CAMK2B: variants seen among roughly 807,000 people sequenced by gnomAD.
The protein encoded by CAMK2B is calcium/calmodulin-dependent protein kinase type II subunit beta.
CAMK2B carries 27 observed loss-of-function variants against 93.7 expected under a neutral mutation model. The ratio of observed to expected loss-of-function variants is 0.29; its 90% CI spans 0.21 to 0.40. CAMK2B has a LOEUF of 0.40. Among genes scored for constraint, CAMK2B ranks in the 10% least tolerant of loss-of-function variants. The pLI is 1.00. For synonymous variants in CAMK2B, 374 were observed against 358.8 expected, an observed-to-expected ratio of 1.04 and a Z score of -0.48; for missense variants, 568 against 895.8, an observed-to-expected ratio of 0.63 and a Z score of 4.67.
Position 44,225,192 on chromosome 7 carries a change from G to A in CAMK2B, c.1597+1324C>T, listed in dbSNP as rs1485828861. On this transcript the variant is annotated intron_variant, in intron 20 of 23. Coordinates refer to ENST00000395749, the MANE Select transcript of CAMK2B (RefSeq NM_001220.5). The surrounding 1 kb of genome is among the most constrained non-coding windows in gnomAD (Gnocchi z 5.0). ...CCCAGATACTGCACAGACCTTGAGG[G>A]CAGGCTGCAGTCCTGGGCTGGGGTC... Among the ~76,000 whole-genome samples the A allele has an allele frequency of 6.6e-6, 1 of 152,168 alleles. No individual in the cohort carries two copies. The highest frequency in any genetic ancestry group is 1.5e-5 in the Non-Finnish European group (1 of 68,016).
chr7:44,226,492 A>C, intron 20 of CAMK2B, 24 bp downstream of exon 20: 1 of 1,389,614 alleles, frequency 7.2e-7, no homozygotes, highest in Non-Finnish European at 9.4e-7. Context: ...AGCCGCTGCC[A>C]CGGCCACTCA....
At chr7:44,317,360 G>A (rs145476750) in intron 1 of CAMK2B, among the ~76,000 whole-genome samples, 117 of 152,158 alleles carry the variant, frequency 7.7e-4, no homozygotes, top group African/African-American at 2.5e-3. Flanking sequence ...GAGATGTGCC[G>A]TAAGGGTAAA....
intron 2 of CAMK2B, among the ~76,000 whole-genome samples, chr7:44,267,829 G>A (rs762038387): frequency 5.3e-5 from 8 of 152,168 alleles, no homozygotes; most frequent in South Asian, 2.1e-4. Flanking sequence ...AGGCTAAACC[G>A]GAGCCTGCAA....
chr7:44,272,013 G>A (rs2096979015), intron 2 of CAMK2B, among the ~76,000 whole-genome samples: 1 of 152,234 alleles, frequency 6.6e-6, no homozygotes, highest in African/African-American at 2.4e-5. Flanking sequence ...TGGGAGCAAG[G>A]AGACTGGGTA....
At chr7:44,274,379 G>A (rs368458559) in intron 2 of CAMK2B, among the ~76,000 whole-genome samples, 4 of 152,154 alleles carry the variant, frequency 2.6e-5, no homozygotes, top group East Asian at 1.9e-4. Flanking sequence ...GTTCCCCCTC[G>A]AGCTTTGCCC....
chr7:44,289,856 C>T (rs528021803), intron 1 of CAMK2B, among the ~76,000 whole-genome samples: 2 of 152,350 alleles, frequency 1.3e-5, no homozygotes, highest in South Asian at 4.1e-4. Context: ...GCCCACTCAA[C>T]GCTTGGATTC....
intron 2 of CAMK2B, among the ~76,000 whole-genome samples, chr7:44,272,675 C>T (rs893564252): frequency 4.6e-5 from 7 of 152,180 alleles, no homozygotes; most frequent in African/African-American, 1.7e-4. Context: ...AGGGCCTCGT[C>T]ACTATTTGCC....
intron 13 of CAMK2B, among the ~76,000 whole-genome samples, chr7:44,236,455 C>T (rs185354473): frequency 1.8e-3 from 272 of 152,320 alleles, no homozygotes; most frequent in African/African-American, 5.9e-3. Context: ...CATCACTCTC[C>T]GTCCCCAGGC....
In CAMK2B at chr7:44,225,110, C is replaced by T. The variant is rs975789348; in HGVS notation, c.1597+1406G>A. 6.6e-5 allele frequency among the ~76,000 whole-genome samples: 10 copies of T among 152,000 alleles called. No homozygotes were observed. The highest frequency in any genetic ancestry group is 5.8e-4 in the East Asian group (3 of 5,164). ...GGCCCCTGAAGGTGAGCCTGGACAC[C>T]GAGCCCCGAGCTGGCCACTCCACAC... is the stretch of plus-strand genomic sequence containing the variant. On this transcript the variant is annotated intron_variant, in intron 20 of 23. Transcript: ENST00000395749. The surrounding 1 kb of genome is among the most constrained non-coding windows in gnomAD (Gnocchi z 5.0).
rs1039889497 is a variant in CAMK2B, at chr7:44,220,072, G to A, written c.1991C>T (p.Pro664Leu). ...HFHCSGAPVA[P>L]LQ Reference sequence around the variant, plus strand: ...ACAGAACACTCACCTTCACTGCAGCGGGGCCACAGGCGCGCCCGAGCAGTG... The same window carrying A: ...ACAGAACACTCACCTTCACTGCAGCAGGGCCACAGGCGCGCCCGAGCAGTG... Residue 664 changes from proline (P) to leucine (L), a missense_variant, in exon 23 of 24, where the codon CCG (proline) becomes CTG (leucine). Physicochemically the swap from Pro to Leu is moderately conservative, Grantham distance 98. This residue lies in a region of CAMK2B where 116 missense variants were observed against 188.0 expected (regional missense o/e 0.62). Transcript: ENST00000395749. The A allele has an allele frequency of 1.7e-5, 27 of 1,591,760 alleles. No homozygotes were observed. The highest frequency in any genetic ancestry group is 5.4e-5 in the African/African-American group (4 of 74,494).
At chr7:44,320,596 T>C (rs534581200) in intron 1 of CAMK2B, among the ~76,000 whole-genome samples, 12 of 152,378 alleles carry the variant, frequency 7.9e-5, no homozygotes, top group African/African-American at 2.9e-4. Context: ...AAAGTCCTGG[T>C]AGCAAGCATG....
chr7:44,225,952 C>T lies in CAMK2B; in HGVS notation c.1597+564G>A. 1.6e-6 allele frequency: 2 copies of T among 1,256,608 alleles called. No homozygotes were observed. The highest frequency in any genetic ancestry group is 1.3e-5 in the South Asian group (1 of 75,834). 77.8% of individuals were successfully genotyped at this position (1,256,608 alleles called of 1,614,324 possible). A position where few individuals can be genotyped will look rare whatever the true frequency, so the allele number is the denominator to read the frequency against. Reference sequence around the variant, plus strand: ...CGGGAGGTGGCCCAGCCTGGCTCCTCCCTGGCCGGGGAGGCTGCCCAGCCT... The same window carrying T: ...CGGGAGGTGGCCCAGCCTGGCTCCTTCCTGGCCGGGGAGGCTGCCCAGCCT... On this transcript the variant is annotated intron_variant, in intron 20 of 23. Transcript: ENST00000395749. The surrounding 1 kb of genome is among the most constrained non-coding windows in gnomAD (Gnocchi z 5.0).
chr7:44,283,038 C>T (rs931217120), intron 2 of CAMK2B, among the ~76,000 whole-genome samples: 5 of 152,216 alleles, frequency 3.3e-5, no homozygotes, highest in Admixed American at 6.5e-5. Context: ...CCCCACCATA[C>T]GGGGCAGTGA....
chr7:44,237,282 T>C (rs2096634965), intron 13 of CAMK2B, among the ~76,000 whole-genome samples: 1 of 152,168 alleles, frequency 6.6e-6, no homozygotes, highest in African/African-American at 2.4e-5. Flanking sequence ...CTTGAGTCTA[T>C]CAAAACCTGC....
In CAMK2B at chr7:44,248,002, C is replaced by T. The variant is rs2096747631; in HGVS notation, c.342-810G>A. ...CAAGATGGCACCACTGCACTCCAGC[C>T]TGGGTGACAGAGGGAGAGTCCATCT... is the stretch of plus-strand genomic sequence containing the variant. On this transcript the variant is annotated intron_variant, in intron 5 of 23. Coordinates refer to ENST00000395749, the MANE Select transcript of CAMK2B (RefSeq NM_001220.5). This position sits in a 1 kb window ranked among gnomAD's most constrained non-coding sequence, Gnocchi z 4.1. Among the ~76,000 whole-genome samples, 1 of 152,160 alleles carries T rather than the reference C, an allele frequency of 6.6e-6. No homozygotes were observed. The highest frequency in any genetic ancestry group is 1.5e-5 in the Non-Finnish European group (1 of 68,034).
In CAMK2B at chr7:44,229,501, G is replaced by A. The variant is rs2096557355; in HGVS notation, c.1226C>T (p.Ala409Val). The A allele has an allele frequency of 2.1e-6, 3 of 1,420,202 alleles. No individual in the cohort carries two copies. Among genetic ancestry groups the A allele is most frequent in the East Asian group, 2.9e-5 (1 of 35,014 alleles). 88.0% of individuals were successfully genotyped at this position (1,420,202 alleles called of 1,614,324 possible). A position where few individuals can be genotyped will look rare whatever the true frequency, so the allele number is the denominator to read the frequency against. ...GCTCAGGATGTCGGGGACCCTGGGG[G>A]CTGAGGCGGAACAGGTGAGGCAGGC... ...NTTIEDEDAK[A>V]PRVPDILSSV... Residue 409 changes from alanine to valine, a missense_variant and splice_region_variant, in exon 18 of 24, where the codon GCC becomes GTC. Transcript: ENST00000395749.
intron 1 of CAMK2B, among the ~76,000 whole-genome samples, chr7:44,318,192 C>T (rs1176799161): frequency 6.6e-6 from 1 of 152,234 alleles, no homozygotes; most frequent in African/African-American, 2.4e-5. Context: ...ATGTGAACAA[C>T]CTCATTAAGA....
Position 44,277,603 on chromosome 7 carries a change from G to C in CAMK2B, c.160+6528C>G, listed in dbSNP as rs533624691. On this transcript the variant is annotated intron_variant, in intron 2 of 23. Transcript: ENST00000395749. ...GCACTCCTAGTGACTCTCAAGGAGT[G>C]AGCGAGGCCCCTCCACTGGCGCTAG... Among the ~76,000 whole-genome samples the C allele has an allele frequency of 1.4e-4, 21 of 152,304 alleles. No homozygotes were observed. In the South Asian group the frequency reaches 2.7e-3, roughly 20 times the overall value.
intron 1 of CAMK2B, among the ~76,000 whole-genome samples, chr7:44,304,093 C>T (rs956911601): frequency 1.3e-5 from 2 of 152,166 alleles, no homozygotes; most frequent in Admixed American, 6.5e-5. Flanking sequence ...TCTGACACCA[C>T]CAAATGATGG....
Sources: allele counts gnomAD v4.1 joint callset (sites outside exome capture counted in the v4.1 genomes callset), GRCh38; gene constraint gnomAD v4.1.1; regional missense constraint gnomAD v4.1.1; non-coding constraint Gnocchi (gnomAD v3.1); transcripts MANE v1.5; gene names NCBI Gene and HGNC (gene_info 2026-07-23, HGNC 2026-07-21).